SACM1L: variants seen among roughly 807,000 people sequenced by gnomAD.
SACM1L encodes the protein SAC1 like phosphatidylinositide phosphatase, also known as phosphatidylinositol-3-phosphatase SAC1.
In SACM1L, 32 loss-of-function variants were observed where a neutral mutation model predicts 89.5. That is an observed-to-expected ratio of 0.36 (90% confidence interval 0.27 to 0.48). SACM1L has a LOEUF of 0.48. Among genes scored for constraint, SACM1L ranks in the 20% least tolerant of loss-of-function variants. The pLI, the probability that SACM1L is intolerant of heterozygous loss-of-function variation, is 0.99. For synonymous variants in SACM1L, 213 were observed against 232.8 expected (o/e 0.92, Z 0.77); for missense variants, 543 against 708.5 (o/e 0.77, Z 2.65).
At chr3:45,731,827 C>T (rs1254845812) in intron 12 of SACM1L, among the ~76,000 whole-genome samples, 1 of 152,072 alleles carries the variant, frequency 6.6e-6, no homozygotes, top group African/African-American at 2.4e-5. Context: ...TATATCTGCA[C>T]ATATCATATA....
chr3:45,705,268 T>A, intron 3 of SACM1L, 59 bp downstream of exon 3: 1 of 1,026,588 alleles, frequency 9.7e-7, no homozygotes, highest in African/African-American at 1.6e-5. Context: ...GTTAAATTGT[T>A]AATATTAGAG....
intron 11 of SACM1L, among the ~76,000 whole-genome samples, chr3:45,726,455 A>G (rs186665274): frequency 6.6e-6 from 1 of 151,772 alleles, no homozygotes; most frequent in African/African-American, 2.4e-5. Flanking sequence ...GGCAGGTTAT[A>G]TGTCTAGGAA....
At chr3:45,725,958 GT>G (rs1347052080) in intron 11 of SACM1L, among the ~76,000 whole-genome samples, 1 of 151,926 alleles carries the variant, frequency 6.6e-6, no homozygotes, top group Non-Finnish European at 1.5e-5. Context: ...CGAGATGCTC[GT>G]TTGTTTTTTT....
intron 1 of SACM1L, among the ~76,000 whole-genome samples, chr3:45,700,901 A>G (rs1050109378): frequency 6.6e-6 from 1 of 152,162 alleles, no homozygotes; most frequent in African/African-American, 2.4e-5. Flanking sequence ...CGAACACCTG[A>G]CCTTAAATGA....
At chr3:45,743,131 T>G (rs1213038517) in intron 19 of SACM1L, among the ~76,000 whole-genome samples, 1 of 152,220 alleles carries the variant, frequency 6.6e-6, no homozygotes, top group Non-Finnish European at 1.5e-5. Flanking sequence ...AGCTCATATC[T>G]GTTATAGAAC....
rs763810993 is a variant in SACM1L, at chr3:45,738,623, C to T, written c.1428C>T (p.Asn476=). The T allele has an allele frequency of 9.3e-6, 15 of 1,613,102 alleles. No homozygotes were observed. The highest frequency in any genetic ancestry group is 1.0e-5 in the Non-Finnish European group (12 of 1,179,184). ...TGGGACTTATAATGGATGGCTGGAA[C>T]TCAATGATACGATATTATAAGAACA... is the stretch of plus-strand genomic sequence containing the variant. ...THLGLIMDGW[N]SMIRYYKNNF... Residue 476 remains asparagine, a synonymous_variant, in exon 17 of 20, where the codon AAC becomes AAT. Coordinates refer to ENST00000389061, the MANE Select transcript of SACM1L (RefSeq NM_014016.5).
At chr3:45,701,451 C>G (rs1698264273) in intron 1 of SACM1L, among the ~76,000 whole-genome samples, 2 of 152,072 alleles carry the variant, frequency 1.3e-5, no homozygotes, top group South Asian at 4.1e-4. Context: ...ATGTTAATGG[C>G]TTACACTTGG....
chr3:45,729,214 G>A (rs1304339001), intron 11 of SACM1L, among the ~76,000 whole-genome samples: 1 of 152,062 alleles, frequency 6.6e-6, no homozygotes, highest in African/African-American at 2.4e-5. Context: ...AGCCTCCTGA[G>A]TAGCTGGGAT....
chr3:45,720,588 C>T (rs1053161154), intron 8 of SACM1L, among the ~76,000 whole-genome samples: 1 of 151,740 alleles, frequency 6.6e-6, no homozygotes, highest in Non-Finnish European at 1.5e-5. Flanking sequence ...TCCTTTTTTT[C>T]CTTCATATCT....
Position 45,735,365 on chromosome 3 carries a change from C to A in SACM1L, c.1231C>A (p.Gln411Lys). 1 of 1,521,596 alleles carries A rather than the reference C, an allele frequency of 6.6e-7. No individual in the cohort carries two copies. The highest frequency in any genetic ancestry group is 8.8e-7 in the Non-Finnish European group (1 of 1,136,596). 94.3% of individuals were successfully genotyped at this position (1,521,596 alleles called of 1,614,324 possible). ...GTTAGCTCGTCGTTCACTTCAGGCC[C>A]AACTTCAGGTGCGAATGCTTTTTTT... ...SLLARRSLQAQLQRLGVLHVG... is the reference protein window; with the variant it reads ...SLLARRSLQAKLQRLGVLHVG... Residue 411 changes from glutamine (Q) to lysine (K), a missense_variant, in exon 14 of 20, where the codon CAA becomes AAA. Physicochemically the swap from Gln to Lys is moderately conservative, Grantham distance 53. Around this residue, in one of 2 missense-constraint regions of SACM1L, gnomAD observed 370 missense variants for 527.6 expected, o/e 0.70. Coordinates refer to ENST00000389061, the MANE Select transcript of SACM1L (RefSeq NM_014016.5).
At chr3:45,726,479 G>T (rs1698919871) in intron 11 of SACM1L, among the ~76,000 whole-genome samples, 1 of 151,934 alleles carries the variant, frequency 6.6e-6, no homozygotes, top group Non-Finnish European at 1.5e-5. Context: ...GCCAATCTGG[G>T]TTATCCTACT....
rs1222501529 is a variant in SACM1L at position 45,745,067 on chromosome 3, TTAA to T, written c.*1399_*1401del. The T allele has an allele frequency of 6.6e-6, 1 of 152,236 alleles. No individual in the cohort carries two copies. Among genetic ancestry groups the T allele is most frequent in the Non-Finnish European group, 1.5e-5 (1 of 68,038 alleles). The allele number at this position is 152,236 out of a possible 1,614,324, so 9.4% of individuals were successfully genotyped here. On this transcript the variant is annotated 3_prime_UTR_variant, in exon 20 of 20. Coordinates refer to ENST00000389061, the MANE Select transcript of SACM1L (RefSeq NM_014016.5). ...TAATAGCTGGAAAACCCTCTGTAGT[TTAA>T]AATCAGTCATTAAACTCACAATAGG...
At position 45,714,278 on chromosome 3, in the gene SACM1L, C is replaced by T. The variant is rs1406709185; in HGVS notation, c.577+199C>T. 4.1e-5 allele frequency among the ~76,000 whole-genome samples: 6 copies of T among 147,206 alleles called. No individual in the cohort carries two copies. In the East Asian group the frequency reaches 6.0e-4, roughly 15 times the overall value. On this transcript the variant is annotated intron_variant, in intron 7 of 19. Coordinates refer to ENST00000389061, the MANE Select transcript of SACM1L (RefSeq NM_014016.5). Reference sequence around the variant, plus strand: ...TTTAGAATGAACTTTTCAGACTATACGATTCTCTCTCTGTTCAAGAGTTCT... The same window carrying T: ...TTTAGAATGAACTTTTCAGACTATATGATTCTCTCTCTGTTCAAGAGTTCT...
At chr3:45,695,792 A>G (rs530596187) in intron 1 of SACM1L, among the ~76,000 whole-genome samples, 1 of 152,116 alleles carries the variant, frequency 6.6e-6, no homozygotes, top group Non-Finnish European at 1.5e-5. Flanking sequence ...TCATCTTGCA[A>G]AAATAAACTC....
intron 1 of SACM1L, among the ~76,000 whole-genome samples, chr3:45,695,808 C>T (rs1218908677): frequency 6.6e-6 from 1 of 152,030 alleles, no homozygotes; most frequent in Non-Finnish European, 1.5e-5. Context: ...AACTCTGTAC[C>T]CATTAAACAA....
At chr3:45,690,549 C>G (rs1697953437) in intron 1 of SACM1L, among the ~76,000 whole-genome samples, 1 of 152,208 alleles carries the variant, frequency 6.6e-6, no homozygotes, top group African/African-American at 2.4e-5. Flanking sequence ...TCACTAGTAA[C>G]TTTCTGAAAG....
intron 1 of SACM1L, chr3:45,689,776 C>T (rs2125676732): frequency 1.7e-6 from 1 of 579,132 alleles, no homozygotes; most frequent in East Asian, 2.9e-5. Flanking sequence ...CCGGGGTCGG[C>T]GTTATGATGC....
chr3:45,738,774 G>T lies in SACM1L; in HGVS notation c.1477-7G>T. The T allele has an allele frequency of 6.3e-7, 1 of 1,593,966 alleles. No individual in the cohort carries two copies. Among genetic ancestry groups the T allele is most frequent in the Non-Finnish European group, 8.6e-7 (1 of 1,162,300 alleles). ...TGAGTTTACGAATTTCTTCCTTTCT[G>T]TTCTAGGATTCCATAGACTTATTTC... On this transcript the variant is annotated splice_polypyrimidine_tract_variant and splice_region_variant and intron_variant, in intron 17 of 19. Transcript: ENST00000389061.
chr3:45,721,887 T>C (rs1326384518), intron 8 of SACM1L, 113 bp from the exon 9 acceptor site: 6 of 671,826 alleles, frequency 8.9e-6, no homozygotes, highest in Non-Finnish European at 1.5e-5. Flanking sequence ...ATAATGACTT[T>C]TCCACTAACT....
Sources: allele counts gnomAD v4.1 joint callset (sites outside exome capture counted in the v4.1 genomes callset), GRCh38; gene constraint gnomAD v4.1.1; regional missense constraint gnomAD v4.1.1; transcripts MANE v1.5; gene names NCBI Gene and HGNC (gene_info 2026-07-23, HGNC 2026-07-21).